MYH15: variants seen among roughly 807,000 people sequenced by gnomAD.
The protein encoded by MYH15 is myosin-15.
Under a neutral mutation model 240.5 loss-of-function variants are expected in MYH15, and 227 were observed. The ratio of observed to expected loss-of-function variants is 0.94; its 90% CI spans 0.85 to 1.05. MYH15 has a LOEUF of 1.05. Among genes scored for constraint, MYH15 ranks in the 50% least tolerant of loss-of-function variants. The pLI, the probability that MYH15 is intolerant of heterozygous loss-of-function variation, is 0.00. For missense variants in MYH15, 2,217 were observed against 2,247.5 expected (o/e 0.99, Z 0.27); for synonymous variants, 785 against 796.7 (o/e 0.99, Z 0.25).
chr3:108,453,988 A>G lies in MYH15; in HGVS notation c.2399+18T>C. On this transcript the variant is annotated intron_variant, in intron 21 of 40. Transcript: ENST00000693548. ...ACTATTACCCTAGCAGTTGGGGAGC[A>G]GGGTGGGCATATAATACCTTTCTTC... 1.2e-6 allele frequency: 2 copies of G among 1,605,538 alleles called. No individual in the cohort carries two copies. Among genetic ancestry groups the G allele is most frequent in the African/African-American group, 1.3e-5 (1 of 74,910 alleles).
At chr3:108,454,744 C>T (rs945130584) in intron 20 of MYH15, among the ~76,000 whole-genome samples, 3 of 152,102 alleles carry the variant, frequency 2.0e-5, no homozygotes, top group Non-Finnish European at 2.9e-5. Context: ...AGAATGATTA[C>T]TAACAAACAA....
rs760178988 is a variant in MYH15, at chr3:108,437,611, C to T, written c.3164G>A (p.Arg1055Gln). ...HKLEGNLKLN[R>Q]ESMENLESSQ... is the part of the protein sequence containing the mutation. ...GCTTTCCAGGTTCTCCATACTTTCC[C>T]GATTCAGCTTTAAATTGCCCTCCAG... The change falls in exon 25 of 41, where the codon CGG becomes CAG. Residue 1055 changes from arginine (R) to glutamine (Q), a missense_variant. Coordinates refer to ENST00000693548, the MANE Select transcript of MYH15 (RefSeq NM_014981.3). The T allele has an allele frequency of 1.4e-5, 22 of 1,613,930 alleles. No homozygotes were observed. Among genetic ancestry groups the T allele is most frequent in the African/African-American group, 1.2e-4 (9 of 74,904 alleles).
At chr3:108,423,614 C>T (rs1464887744) in intron 27 of MYH15, among the ~76,000 whole-genome samples, 1 of 152,224 alleles carries the variant, frequency 6.6e-6, no homozygotes, top group Non-Finnish European at 1.5e-5. Flanking sequence ...CTGAAAATGA[C>T]TTTGACAGTC....
chr3:108,433,093 G>C (rs1256205000), intron 25 of MYH15, among the ~76,000 whole-genome samples: 1 of 152,164 alleles, frequency 6.6e-6, no homozygotes, highest in Non-Finnish European at 1.5e-5. Flanking sequence ...TGGGAGGGAG[G>C]CTTTACCCTG....
At chr3:108,511,297 G>A (rs1022569234), upstream of MYH15, among the ~76,000 whole-genome samples, 1 of 152,118 alleles carries the variant, frequency 6.6e-6, no homozygotes, top group Non-Finnish European at 1.5e-5. Context: ...CAAAAATACA[G>A]GCACAGCTGG....
intron 1 of MYH15, among the ~76,000 whole-genome samples, chr3:108,523,737 C>T (rs78536777): frequency 0.012 from 1,819 of 151,968 alleles, 25 homozygotes; most frequent in Admixed American, 0.026. Context: ...TTTCTCCGTG[C>T]TTATGTGTTC....
At chr3:108,537,961 C>G in the MYH15 span, among the ~76,000 whole-genome samples, 3 of 152,102 alleles carry the variant, frequency 2.0e-5, no homozygotes, top group Non-Finnish European at 4.4e-5. Flanking sequence ...TCATTCTGTC[C>G]CTTTCCCCTT....
chr3:108,501,260 C>A (rs2083435749), intron 3 of MYH15, among the ~76,000 whole-genome samples: 1 of 152,162 alleles, frequency 6.6e-6, no homozygotes. Context: ...CTTGAGCAAC[C>A]AACCATCATC....
At chr3:108,506,365 T>C (rs995088963) in intron 1 of MYH15, among the ~76,000 whole-genome samples, 10 of 152,216 alleles carry the variant, frequency 6.6e-5, no homozygotes, top group African/African-American at 2.4e-4. Context: ...TGGGTTGTTT[T>C]TGTTAAACAA....
At chr3:108,465,889 T>G (rs1464622070) in intron 14 of MYH15, among the ~76,000 whole-genome samples, 2 of 152,074 alleles carry the variant, frequency 1.3e-5, no homozygotes, top group Non-Finnish European at 2.9e-5. Context: ...ATCACACCAT[T>G]GCACTCCAGC....
chr3:108,550,036 A>G, the MYH15 span: 1 of 152,022 alleles, frequency 6.6e-6, no homozygotes, highest in African/African-American at 2.4e-5. Context: ...AAATTTCCAG[A>G]ACTGTACAAA....
intron 28 of MYH15, among the ~76,000 whole-genome samples, chr3:108,418,452 C>A (rs868286140): frequency 1.3e-5 from 2 of 152,204 alleles, no homozygotes; most frequent in Admixed American, 1.3e-4. Context: ...GATCAGGCTG[C>A]AGCAATTTTA....
At chr3:108,490,954 C>T (rs1390656031) in intron 9 of MYH15, among the ~76,000 whole-genome samples, 1 of 151,876 alleles carries the variant, frequency 6.6e-6, no homozygotes, top group African/African-American at 2.4e-5. Context: ...CTGGCACATT[C>T]TCAGCTCACT....
chr3:108,450,007 A>T (rs2082959523), intron 21 of MYH15, among the ~76,000 whole-genome samples: 1 of 152,154 alleles, frequency 6.6e-6, no homozygotes, highest in Non-Finnish European at 1.5e-5. Context: ...TCAAAACCAC[A>T]ATGAGATATC....
chr3:108,395,752 C>T (rs1347132678), intron 35 of MYH15, among the ~76,000 whole-genome samples: 1 of 151,606 alleles, frequency 6.6e-6, no homozygotes, highest in African/African-American at 2.4e-5. Flanking sequence ...TAAGTTTAGC[C>T]TCAAATGTTA....
rs2082368389 is a variant in MYH15, at chr3:108,384,704, G to A, written c.5614C>T (p.Gln1872Ter). The change falls in exon 39 of 41, where the codon CAG (glutamine) becomes TAG (stop). Residue 1872 changes from glutamine (Q) to a stop codon, truncating the protein, a stop_gained. Coordinates refer to ENST00000693548, the MANE Select transcript of MYH15 (RefSeq NM_014981.3). LOFTEE classifies it high-confidence loss of function. ...GCACTCACCGCCACCTCGACTTGCT[G>A]CTTGTAATTTTGCACTTTTAGCTGA... ...KLQLKVQNYK[Q>*]QVEVAETQAN... The A allele has an allele frequency of 1.9e-6, 3 of 1,613,536 alleles. No individual in the cohort carries two copies. The highest frequency in any genetic ancestry group is 1.7e-5 in the Admixed American group (1 of 59,982).
chr3:108,504,694 TGGGGCCCGGCTTACACCAC>T (rs1032684385), intron 2 of MYH15, among the ~76,000 whole-genome samples: 8 of 152,232 alleles, frequency 5.3e-5, no homozygotes, highest in Non-Finnish European at 1.0e-4. Context: ...AGGACAGAAA[TGGGGCCCGGCTTACACCAC>T]GGGGTGGCAG....
chr3:108,467,370 C>A (rs1348387940), intron 14 of MYH15, among the ~76,000 whole-genome samples: 1 of 151,714 alleles, frequency 6.6e-6, no homozygotes, highest in Non-Finnish European at 1.5e-5. Flanking sequence ...GAGGTGATAA[C>A]ACATAATGCC....
chr3:108,445,255 G>T (rs1337931366), intron 21 of MYH15, among the ~76,000 whole-genome samples: 1 of 152,190 alleles, frequency 6.6e-6, no homozygotes, highest in Non-Finnish European at 1.5e-5. Context: ...TCTTGGTATT[G>T]TAAGAGTTTG....
Sources: allele counts gnomAD v4.1 joint callset (sites outside exome capture counted in the v4.1 genomes callset), GRCh38; gene constraint gnomAD v4.1.1; transcripts MANE v1.5; gene names NCBI Gene and HGNC (gene_info 2026-07-23, HGNC 2026-07-21).